Variants in TSPAN1 observed in about 807,000 individuals in gnomAD.
The protein encoded by TSPAN1 is tetraspanin 1, also known as tetraspanin-1.
In TSPAN1, 23 loss-of-function variants were observed where a neutral mutation model predicts 26.9. That is an observed-to-expected ratio of 0.85 (90% CI 0.62 to 1.21). TSPAN1 has a LOEUF of 1.21. TSPAN1 is among the 50% of genes most tolerant of loss of function. TSPAN1 has a pLI of 0.00. For synonymous variants in TSPAN1, 115 were observed against 114.8 expected, an observed-to-expected ratio of 1.00 and a Z score of -0.01; for missense variants, 283 against 298.4, an observed-to-expected ratio of 0.95 and a Z score of 0.38.
rs767362846 is a variant in TSPAN1 at position 46,181,177 on chromosome 1, A to G, written c.57+13A>G. On this transcript the variant is annotated intron_variant, in intron 3 of 8. Transcript: ENST00000372003. ...TTTGCTCATCTTTGTAAGTACGGAC[A>G]TTGTGGACTCTTTGGGGCTCCCTAT... is the stretch of plus-strand genomic sequence containing the variant. The G allele has an allele frequency of 1.5e-5, 24 of 1,611,212 alleles. No homozygotes were observed. Among genetic ancestry groups the G allele is most frequent in the Non-Finnish European group, 1.9e-5 (22 of 1,178,592 alleles).
At chr1:46,182,096 T>G (rs1657325684) in intron 3 of TSPAN1, among the ~76,000 whole-genome samples, 1 of 151,176 alleles carries the variant, frequency 6.6e-6, no homozygotes, top group Non-Finnish European at 1.5e-5. Flanking sequence ...ATCTCTGGCA[T>G]GAGCAACCCA....
chr1:46,190,611 TA>T, downstream of TSPAN1: 1 of 1,533,542 alleles, frequency 6.5e-7, no homozygotes, highest in South Asian at 1.1e-5. Context: ...TGGGAATCTG[TA>T]GCCGCAGGGC....
At chr1:46,194,459 C>T in the TSPAN1 span, 1 of 1,614,024 alleles carries the variant, frequency 6.2e-7, no homozygotes, top group Admixed American at 1.7e-5. Context: ...TGAAGAGCCC[C>T]AGGCACACAA....
chr1:46,176,116 C>A (rs1657145935), intron 1 of TSPAN1: 5 of 1,185,658 alleles, frequency 4.2e-6, no homozygotes, highest in Non-Finnish European at 4.7e-6. Context: ...ACCTTGTGAT[C>A]TGCCCGCCTT....
At chr1:46,194,293 A>C in the TSPAN1 span, 11 of 1,614,108 alleles carry the variant, frequency 6.8e-6, no homozygotes, top group Admixed American at 1.7e-5. Context: ...GCTGAACTCG[A>C]TGGGTGTGGG....
the TSPAN1 span, chr1:46,192,498 C>CCCTGGTCATTCCAGCCTA: frequency 1.9e-6 from 3 of 1,614,160 alleles, no homozygotes; most frequent in South Asian, 1.1e-5. Context: ...GCCTGCTAAA[C>CCCTGGTCATTCCAGCCTA]CCTGGTCATT....
chr1:46,187,048 T>A (rs1453084457), downstream of TSPAN1, among the ~76,000 whole-genome samples: 1 of 152,234 alleles, frequency 6.6e-6, no homozygotes, highest in East Asian at 1.9e-4. Flanking sequence ...CCTCAGGTGA[T>A]CCACATGCCT....
rs771685287 is a variant in TSPAN1 at position 46,185,055 on chromosome 1, C to T, written c.534C>T (p.Asn178=). The stretch of plus-strand genomic sequence containing the variant: ...TTCCCCCATTCTGTTGCAATGACAA[C>T]GTCACCAACACAGCCAATGAAACCT... ...SAFPPFCCND[N]VTNTANETCT... Residue 178 remains asparagine, a synonymous_variant, in exon 7 of 9, where the codon AAC becomes AAT. Transcript: ENST00000372003. 22 of 1,614,072 alleles carry T rather than the reference C, an allele frequency of 1.4e-5. 1 individual carries two copies. Among genetic ancestry groups the T allele is most frequent in the African/African-American group, 4.0e-5 (3 of 74,910 alleles).
chr1:46,189,539 C>T (rs267606962), downstream of TSPAN1: 28 of 1,612,844 alleles, frequency 1.7e-5, no homozygotes, highest in East Asian at 4.5e-5. Flanking sequence ...ATGGTTGCCA[C>T]GCACATCCAG....
the TSPAN1 span, chr1:46,193,838 C>T: frequency 6.2e-7 from 1 of 1,613,692 alleles, no homozygotes; most frequent in South Asian, 1.1e-5. Flanking sequence ...CTGGGTATAG[C>T]CCATTCCCAG....
At chr1:46,182,124 C>G (rs1657326265) in intron 3 of TSPAN1, among the ~76,000 whole-genome samples, 1 of 150,986 alleles carries the variant, frequency 6.6e-6, no homozygotes, top group Non-Finnish European at 1.5e-5. Flanking sequence ...GGGGGTGGGG[C>G]CTGGTTTGTG....
At chr1:46,186,683 T>A (rs1657436288), downstream of TSPAN1, among the ~76,000 whole-genome samples, 1 of 142,748 alleles carries the variant, frequency 7.0e-6, no homozygotes, top group Non-Finnish European at 1.5e-5. Flanking sequence ...TTTTTTTTTT[T>A]GAGAGAGTCT....
rs746154422 is a variant in TSPAN1, at chr1:46,185,450, A to G, written c.679-36A>G. 50 of 1,613,526 alleles carry G rather than the reference A, an allele frequency of 3.1e-5. No individual in the cohort carries two copies. In the East Asian group the frequency reaches 1.0e-3, roughly 34 times the overall value. Reference sequence around the variant, plus strand: ...TGGGACAGGCTTCAGGATCCCTATCATGTTCCCTCATCTCTCCCTGTTCCT... The same window carrying G: ...TGGGACAGGCTTCAGGATCCCTATCGTGTTCCCTCATCTCTCCCTGTTCCT... On this transcript the variant is annotated intron_variant, in intron 8 of 8. Coordinates refer to ENST00000372003, the MANE Select transcript of TSPAN1 (RefSeq NM_005727.4).
rs71062743 is a variant in TSPAN1, at chr1:46,182,304, CA to C, written c.57+1153del. ...GGAAACCCAATTTATTAGGGATAAG[CA>C]AAAAAAAAAAAAGCCACTGTGAAGG... On this transcript the variant is annotated intron_variant, in intron 3 of 8. Coordinates refer to ENST00000372003, the MANE Select transcript of TSPAN1 (RefSeq NM_005727.4). 7.3e-4 allele frequency among the ~76,000 whole-genome samples: 22 copies of C among 30,166 alleles called. 3 individuals carry two copies. The highest frequency in any genetic ancestry group is 2.0e-3 in the African/African-American group (20 of 10,154). 19.8% of individuals were successfully genotyped at this position (30,166 alleles called of 152,430 possible). A position where few individuals can be genotyped will look rare whatever the true frequency, so the allele number is the denominator to read the frequency against.
chr1:46,195,573 G>A, the TSPAN1 span: 17 of 585,700 alleles, frequency 2.9e-5, no homozygotes, highest in East Asian at 4.8e-4. Context: ...CTCCATGAGG[G>A]TGGGGACTCT....
intron 1 of TSPAN1, among the ~76,000 whole-genome samples, chr1:46,177,378 TCTAA>T (rs1258511939): frequency 1.2e-4 from 18 of 150,738 alleles, no homozygotes; most frequent in South Asian, 2.1e-4. Context: ...TATCTATCTA[TCTAA>T]CTATCTATCT....
chr1:46,186,785 C>A (rs1657441497), downstream of TSPAN1, among the ~76,000 whole-genome samples: 1 of 151,602 alleles, frequency 6.6e-6, no homozygotes, highest in Admixed American at 6.6e-5. Flanking sequence ...GCCTCAGCCT[C>A]CCGAGTAGCT....
chr1:46,175,649 G>T, intron 1 of TSPAN1: 1 of 399,474 alleles, frequency 2.5e-6, no homozygotes, highest in Non-Finnish European at 4.4e-6. Context: ...GGAAGGAGAG[G>T]GAAGAGTTTG....
downstream of TSPAN1, chr1:46,189,486 T>G (rs6659553): frequency 1.2e-6 from 2 of 1,613,614 alleles, no homozygotes; most frequent in Admixed American, 3.3e-5. Context: ...ACCCCCACCA[T>G]CAGGAAGTGG....
Sources: gnomAD v4.1 joint callset for allele counts (sites outside exome capture counted in the v4.1 genomes callset) on GRCh38, gnomAD v4.1.1 for gene constraint, MANE v1.5 for transcripts, NCBI Gene and HGNC (gene_info 2026-07-23, HGNC 2026-07-21) for gene names.